Variants in NTRK3 observed in about 807,000 individuals in gnomAD.
The protein encoded by NTRK3 is neurotrophic receptor tyrosine kinase 3.
Under a neutral mutation model 91.7 loss-of-function variants are expected in NTRK3, and 24 were observed. That is an observed-to-expected ratio of 0.26 (90% CI 0.19 to 0.37). The LOEUF is 0.37. Among genes scored for constraint, NTRK3 ranks in the 10% least tolerant of loss-of-function variants. The pLI, the probability that NTRK3 is intolerant of heterozygous loss-of-function variation, is 1.00. For missense variants in NTRK3, 880 were observed against 1,068.9 expected (o/e 0.82, Z 2.46); for synonymous variants, 483 against 404.0 (o/e 1.20, Z -2.34).
chr15:87,930,649 G>C (rs1009171101), intron 16 of NTRK3, among the ~76,000 whole-genome samples: 1 of 152,156 alleles, frequency 6.6e-6, no homozygotes, highest in East Asian at 1.9e-4. Context: ...GGTTATGGAG[G>C]CTGTGTTTGT....
rs562243152 is a variant in NTRK3 at position 87,873,734 on chromosome 15, A to G, written c.*3201T>C. 5.7e-4 allele frequency: 132 copies of G among 231,938 alleles called. 1 individual carries two copies. The East Asian group carries it at 7.2e-3, about 13-fold the overall frequency. 14.4% of individuals were successfully genotyped at this position (231,938 alleles called of 1,614,324 possible). A position where few individuals can be genotyped will look rare whatever the true frequency, so the allele number is the denominator to read the frequency against. On this transcript the variant is annotated 3_prime_UTR_variant, in exon 19 of 19. Coordinates refer to ENST00000394480, the Ensembl canonical transcript of NTRK3. ...ATAAATAAATAAATGGACCGTCGACAGTGCTTTTCTGGTATGTAGGAATGC... is the reference window on the plus strand; with the variant it reads ...ATAAATAAATAAATGGACCGTCGACGGTGCTTTTCTGGTATGTAGGAATGC...
chr15:87,914,708 G>A (rs1439887339), intron 17 of NTRK3, among the ~76,000 whole-genome samples: 2 of 152,154 alleles, frequency 1.3e-5, no homozygotes, highest in Non-Finnish European at 2.9e-5. Context: ...AGATCAGGAA[G>A]TTGGGGATTG....
chr15:88,183,060 G>C (rs1406252014), intron 5 of NTRK3, among the ~76,000 whole-genome samples: 1 of 121,092 alleles, frequency 8.3e-6, no homozygotes, highest in Non-Finnish European at 1.6e-5. Context: ...CACTCTTATG[G>C]GCCTACTTAT....
exon 1 of NTRK3, chr15:88,256,737 T>C (rs1238366400): frequency 3.0e-6 from 1 of 335,812 alleles, no homozygotes; most frequent in Non-Finnish European, 5.4e-6. Flanking sequence ...AATGTACAAG[T>C]GCTCCGAGCC....
intron 3 of NTRK3, among the ~76,000 whole-genome samples, chr15:88,248,842 G>T (rs1396017289): frequency 6.6e-6 from 1 of 152,218 alleles, no homozygotes; most frequent in African/African-American, 2.4e-5. Context: ...GTACTCAGTA[G>T]ATGCTAGCTG....
intron 17 of NTRK3, among the ~76,000 whole-genome samples, chr15:87,918,875 A>T (rs1469245494): frequency 6.6e-6 from 1 of 152,196 alleles, no homozygotes; most frequent in Non-Finnish European, 1.5e-5. Flanking sequence ...ATGAGAGGGA[A>T]GTGTTAACTA....
intron 3 of NTRK3, among the ~76,000 whole-genome samples, chr15:88,191,312 C>T (rs987196345): frequency 3.3e-5 from 5 of 151,990 alleles, no homozygotes; most frequent in African/African-American, 4.8e-5. Flanking sequence ...CTCAGCCTAC[C>T]GAGTAGCTGG....
exon 19 of NTRK3, chr15:87,862,100 C>A (rs762901947): frequency 9.2e-6 from 2 of 217,004 alleles, no homozygotes; most frequent in Non-Finnish European, 1.9e-5. Context: ...AGAACTCTAA[C>A]AGAGGTGTTG....
chr15:87,895,378 C>T (rs150929655), intron 17 of NTRK3, among the ~76,000 whole-genome samples: 4 of 152,260 alleles, frequency 2.6e-5, no homozygotes, highest in African/African-American at 9.6e-5. Flanking sequence ...AATTTTTTAT[C>T]TTGCCCAAAT....
exon 19 of NTRK3, chr15:87,868,174 C>T (rs769567833): frequency 7.0e-5 from 16 of 230,022 alleles, no homozygotes; most frequent in East Asian, 1.9e-4. Context: ...TGTGTGTGTG[C>T]GCATATATGT....
At chr15:88,130,793 G>A (rs975311935) in intron 10 of NTRK3, among the ~76,000 whole-genome samples, 18 of 152,188 alleles carry the variant, frequency 1.2e-4, no homozygotes, top group African/African-American at 3.9e-4. Flanking sequence ...GGAACTCAAC[G>A]CAGTGTGTAA....
chr15:88,072,153 C>T (rs554763603), intron 13 of NTRK3, among the ~76,000 whole-genome samples: 51 of 151,772 alleles, frequency 3.4e-4, no homozygotes, highest in African/African-American at 1.1e-3. Flanking sequence ...TTACAGGCAC[C>T]GCCACCATGC....
intron 3 of NTRK3, among the ~76,000 whole-genome samples, chr15:88,239,465 T>C (rs2052110112): frequency 6.6e-6 from 1 of 152,180 alleles, no homozygotes; most frequent in Admixed American, 6.5e-5. Context: ...ACCTCCCAGA[T>C]CATTTTTACA....
chr15:87,892,702 T>A (rs1047782221), intron 17 of NTRK3, among the ~76,000 whole-genome samples: 1 of 152,196 alleles, frequency 6.6e-6, no homozygotes, highest in African/African-American at 2.4e-5. Flanking sequence ...TAGAAATGTA[T>A]GATCATTGGC....
intron 13 of NTRK3, among the ~76,000 whole-genome samples, chr15:88,123,399 G>A (rs553469218): frequency 6.6e-6 from 1 of 152,332 alleles, no homozygotes; most frequent in African/African-American, 2.4e-5. Context: ...GTAAAAGGTA[G>A]GGAACTTCTG....
intron 3 of NTRK3, among the ~76,000 whole-genome samples, chr15:88,199,635 A>C (rs59758974): frequency 0.065 from 9,873 of 152,200 alleles, 678 homozygotes; most frequent in African/African-American, 0.17. Flanking sequence ...TTCTAGGGAG[A>C]CTGGTGGAGC....
chr15:88,068,347 C>A (rs556683193), intron 13 of NTRK3, among the ~76,000 whole-genome samples: 1 of 152,230 alleles, frequency 6.6e-6, no homozygotes, highest in Non-Finnish European at 1.5e-5. Context: ...AAGAGAATTG[C>A]TTGAACCCGG....
At chr15:87,978,917 G>GGT in intron 14 of NTRK3, 1 of 319,828 alleles carries the variant, frequency 3.1e-6, no homozygotes, top group Non-Finnish European at 5.8e-6. Flanking sequence ...TATCCTGGGA[G>GGT]AGCCAGGGAG....
chr15:88,201,412 A>G (rs1489704797), intron 3 of NTRK3, among the ~76,000 whole-genome samples: 1 of 152,172 alleles, frequency 6.6e-6, no homozygotes, highest in Non-Finnish European at 1.5e-5. Flanking sequence ...AAGCCACCAT[A>G]TCATGTGCAA....
Sources: allele counts gnomAD v4.1 joint callset (sites outside exome capture counted in the v4.1 genomes callset), GRCh38; gene constraint gnomAD v4.1.1; transcripts MANE v1.5; gene names NCBI Gene and HGNC (gene_info 2026-07-23, HGNC 2026-07-21).